The following GRXCR1 variants were observed in gnomAD, a reference collection of about 807,000 sequenced individuals.
GRXCR1 encodes the protein glutaredoxin domain-containing cysteine-rich protein 1.
A neutral mutation model predicts 27.3 loss-of-function variants in GRXCR1; 27 were observed. The observed-to-expected ratio is 0.99, with a 90% confidence interval of 0.73 to 1.37. The LOEUF (loss-of-function observed/expected upper bound fraction) is 1.37. GRXCR1 is among the 40% of genes most tolerant of loss of function. The pLI, the probability that GRXCR1 is intolerant of heterozygous loss-of-function variation, is 0.00. For synonymous variants in GRXCR1, 122 were observed against 131.1 expected, an observed-to-expected ratio of 0.93 and a Z score of 0.47; for missense variants, 379 against 354.4, an observed-to-expected ratio of 1.07 and a Z score of -0.56.
At chr4:42,981,070 T>A (rs552464598) in intron 2 of GRXCR1, among the ~76,000 whole-genome samples, 27 of 152,008 alleles carry the variant, frequency 1.8e-4, no homozygotes, top group Non-Finnish European at 2.8e-4. Context: ...TGCAAGTTGT[T>A]TCCTGGTTAT....
intron 2 of GRXCR1, among the ~76,000 whole-genome samples, chr4:42,972,297 T>C (rs910974932): frequency 2.0e-5 from 3 of 152,186 alleles, no homozygotes; most frequent in Non-Finnish European, 4.4e-5. Flanking sequence ...CCATCAGAGA[T>C]CTGGTTGGAG....
At chr4:43,004,502 A>G (rs1299388929) in intron 2 of GRXCR1, among the ~76,000 whole-genome samples, 1 of 152,208 alleles carries the variant, frequency 6.6e-6, no homozygotes, top group African/African-American at 2.4e-5. Flanking sequence ...TGGAAAAACC[A>G]CAGGCACTCA....
Position 43,030,624 on chromosome 4 carries a change from T to C in GRXCR1, c.*84T>C, listed in dbSNP as rs1468677638. On this transcript the variant is annotated 3_prime_UTR_variant, in exon 4 of 4. Transcript: ENST00000399770. ...ATATATATATTTTTAAATGGTTATGTTTATGGATTAATCAATAAACTTTGT... is the reference window on the plus strand; with the variant it reads ...ATATATATATTTTTAAATGGTTATGCTTATGGATTAATCAATAAACTTTGT... 1 of 1,075,462 alleles carries C rather than the reference T, an allele frequency of 9.3e-7. No homozygotes were observed. The highest frequency in any genetic ancestry group is 1.4e-6 in the Non-Finnish European group (1 of 714,134). The allele number at this position is 1,075,462 out of a possible 1,614,324, so 66.6% of individuals were successfully genotyped here.
rs544982274 is a variant in GRXCR1, at chr4:42,969,984, A to C, written c.627+6850A>C. On this transcript the variant is annotated intron_variant, in intron 2 of 3. Transcript: ENST00000399770. ...AGGGATCAGATAAAGGCTCCCATTC[A>C]AAAAGGGAAAATTGGCCAAAACCAA... Among the ~76,000 whole-genome samples the C allele has an allele frequency of 2.0e-4, 30 of 152,262 alleles. 2 individuals carry two copies. In the South Asian group the frequency reaches 6.2e-3, roughly 32 times the overall value.
intron 1 of GRXCR1, among the ~76,000 whole-genome samples, chr4:42,939,665 A>G (rs1747562730): frequency 6.6e-6 from 1 of 152,062 alleles, no homozygotes; most frequent in Non-Finnish European, 1.5e-5. Context: ...CCATGCTGAG[A>G]AAGAATATTT....
At chr4:42,953,841 A>G (rs911370517) in intron 1 of GRXCR1, among the ~76,000 whole-genome samples, 1 of 152,106 alleles carries the variant, frequency 6.6e-6, no homozygotes, top group Admixed American at 6.6e-5. Flanking sequence ...CTGAGAGTTC[A>G]TGATTCATTA....
chr4:43,030,528 C>T lies in GRXCR1; in HGVS notation c.861C>T (p.Asn287=). 1 of 1,614,006 alleles carries T rather than the reference C, an allele frequency of 6.2e-7. No homozygotes were observed. Among genetic ancestry groups the T allele is most frequent in the Non-Finnish European group, 8.5e-7 (1 of 1,179,902 alleles). Residue 287 remains asparagine (N), a synonymous_variant, in exon 4 of 4, where the codon AAC becomes AAT. Coordinates refer to ENST00000399770, the MANE Select transcript of GRXCR1 (RefSeq NM_001080476.3). The part of the protein sequence containing the change: ...CNENGLQRCK[N]CAG ...AAAATGGTCTTCAGCGTTGTAAGAA[C>T]TGTGCTGGTTAATTGGAGCTTCTAC...
chr4:42,969,091 G>A (rs1333744710), intron 2 of GRXCR1, among the ~76,000 whole-genome samples: 1 of 152,072 alleles, frequency 6.6e-6, no homozygotes, highest in African/African-American at 2.4e-5. Flanking sequence ...ATGGTGGGGA[G>A]CCTTTGGTAA....
intron 2 of GRXCR1, among the ~76,000 whole-genome samples, chr4:42,972,527 T>A (rs1309177871): frequency 6.6e-6 from 1 of 152,166 alleles, no homozygotes; most frequent in Non-Finnish European, 1.5e-5. Context: ...TGTCCCTTTT[T>A]CCTGGATAAC....
chr4:42,899,652 CT>C (rs1746421548), intron 1 of GRXCR1, among the ~76,000 whole-genome samples: 1 of 152,106 alleles, frequency 6.6e-6, no homozygotes, highest in South Asian at 2.1e-4. Flanking sequence ...TGTATAATGA[CT>C]TTTATCTTGA....
At position 42,996,609 on chromosome 4, in the gene GRXCR1, T is replaced by A. The variant is rs1165379454; in HGVS notation, c.628-23745T>A. 3.9e-5 allele frequency among the ~76,000 whole-genome samples: 6 copies of A among 152,112 alleles called. No individual in the cohort carries two copies. The East Asian group carries it at 1.2e-3, about 29-fold the overall frequency. ...CAACAGCTTTGTCTGTGGTCAAGTT[T>A]TTTTTTTCAAATAGTCTATTCCATT... On this transcript the variant is annotated intron_variant, in intron 2 of 3. Coordinates refer to ENST00000399770, the MANE Select transcript of GRXCR1 (RefSeq NM_001080476.3).
chr4:43,001,373 AG>A (rs1412834033), intron 2 of GRXCR1, among the ~76,000 whole-genome samples: 2 of 152,118 alleles, frequency 1.3e-5, no homozygotes, highest in East Asian at 3.9e-4. Flanking sequence ...GCTTGATGGT[AG>A]ACTTTGCAGA....
intron 1 of GRXCR1, among the ~76,000 whole-genome samples, chr4:42,929,760 G>T (rs895373474): frequency 6.6e-6 from 1 of 151,824 alleles, no homozygotes; most frequent in Admixed American, 6.6e-5. Context: ...ATGGAGAGGG[G>T]CCCACCATTC....
intron 2 of GRXCR1, among the ~76,000 whole-genome samples, chr4:42,977,028 A>G (rs2109782599): frequency 6.6e-6 from 1 of 152,120 alleles, no homozygotes; most frequent in East Asian, 1.9e-4. Flanking sequence ...TTATAAGTTC[A>G]ACTTTTTTAG....
chr4:42,913,206 G>T lies in GRXCR1; in HGVS notation c.384+19556G>T, dbSNP rs376523905. Among the ~76,000 whole-genome samples the T allele has an allele frequency of 4.3e-4, 65 of 152,268 alleles. 2 individuals carry two copies. In the South Asian group the frequency reaches 9.7e-3, roughly 23 times the overall value. On this transcript the variant is annotated intron_variant, in intron 1 of 3. Coordinates refer to ENST00000399770, the MANE Select transcript of GRXCR1 (RefSeq NM_001080476.3). ...CTGCTGTAAAGATACCAAAAAATGT[G>T]GAAGTGTCTTTGGAACTGAGTAACA...
At chr4:43,029,463 T>G (rs1433376970) in intron 3 of GRXCR1, among the ~76,000 whole-genome samples, 1 of 152,204 alleles carries the variant, frequency 6.6e-6, no homozygotes, top group Non-Finnish European at 1.5e-5. Context: ...ACTTATTTTC[T>G]CTTTGTATTC....
intron 1 of GRXCR1, among the ~76,000 whole-genome samples, chr4:42,936,104 G>A (rs924829103): frequency 6.6e-6 from 1 of 151,816 alleles, no homozygotes; most frequent in Non-Finnish European, 1.5e-5. Flanking sequence ...GTTAATTTGG[G>A]CAACAAGGAG....
chr4:42,959,410 G>A (rs536705257), intron 1 of GRXCR1, among the ~76,000 whole-genome samples: 1 of 151,810 alleles, frequency 6.6e-6, no homozygotes, highest in Admixed American at 6.6e-5. Context: ...ACAGTTGAAT[G>A]GTGGCTGTTA....
At chr4:42,931,379 C>G (rs904381241) in intron 1 of GRXCR1, among the ~76,000 whole-genome samples, 3 of 151,930 alleles carry the variant, frequency 2.0e-5, no homozygotes, top group Non-Finnish European at 4.4e-5. Context: ...GACTTTTCTA[C>G]TTCTCATCTT....
Sources: gnomAD v4.1 joint callset for allele counts (sites outside exome capture counted in the v4.1 genomes callset) on GRCh38, gnomAD v4.1.1 for gene constraint, MANE v1.5 for transcripts, NCBI Gene and HGNC (gene_info 2026-07-23, HGNC 2026-07-21) for gene names.